Variants in MGAT5 observed in about 807,000 individuals in gnomAD.
MGAT5 encodes the protein alpha-1,6-mannosylglycoprotein 6-beta-N-acetylglucosaminyltransferase, also known as alpha-1,6-mannosylglycoprotein 6-beta-N-acetylglucosaminyltransferase A.
Under a neutral mutation model 94.3 loss-of-function variants are expected in MGAT5, and 30 were observed. The observed-to-expected ratio is 0.32, with a 90% CI of 0.24 to 0.43. MGAT5 has a LOEUF of 0.43. Among genes scored for constraint, MGAT5 ranks in the 20% least tolerant of loss-of-function variants. MGAT5 has a pLI of 1.00. For missense variants in MGAT5, 691 were observed against 905.5 expected (o/e 0.76, Z 3.04); for synonymous variants, 310 against 322.9 (o/e 0.96, Z 0.43).
intron 2 of MGAT5, among the ~76,000 whole-genome samples, chr2:134,301,715 C>G (rs531663506): frequency 2.6e-5 from 4 of 152,118 alleles, no homozygotes; most frequent in Non-Finnish European, 5.9e-5. Context: ...TTGGCATCCA[C>G]AGGGCAGGCA....
chr2:134,409,805 G>C (rs1031347739), intron 11 of MGAT5, among the ~76,000 whole-genome samples: 1 of 152,100 alleles, frequency 6.6e-6, no homozygotes, highest in African/African-American at 2.4e-5. Flanking sequence ...GGTTTTACTG[G>C]ACCCTTTGTG....
rs112295213 is a variant in MGAT5, at chr2:134,441,124, A to AGTCC, written c.1870-633_1870-632insTCCG. ...GAGAGACTATTGACGACACTAAGTG[A>AGTCC]GGACTTACTGTGCTTGTTTTCAACC... is the stretch of plus-strand genomic sequence containing the variant. On this transcript the variant is annotated intron_variant, in intron 14 of 15. Transcript: ENST00000281923. Among the ~76,000 whole-genome samples the AGTCC allele has an allele frequency of 1.6e-3, 237 of 152,352 alleles. 2 individuals carry two copies. Among genetic ancestry groups the AGTCC allele is most frequent in the African/African-American group, 5.3e-3 (222 of 41,586 alleles).
intron 14 of MGAT5, among the ~76,000 whole-genome samples, chr2:134,438,668 C>CCAT (rs1685308899): frequency 6.6e-6 from 1 of 152,104 alleles, no homozygotes; most frequent in Admixed American, 6.5e-5. Context: ...ACGTTGCGAC[C>CCAT]CATGGCTTAA....
chr2:134,271,505 C>T (rs757796318), intron 2 of MGAT5, among the ~76,000 whole-genome samples: 1 of 152,174 alleles, frequency 6.6e-6, no homozygotes, highest in South Asian at 2.1e-4. Context: ...GTTTCATATA[C>T]TTTTAAGCTT....
intron 5 of MGAT5, among the ~76,000 whole-genome samples, chr2:134,337,629 T>C (rs1688406856): frequency 6.6e-6 from 1 of 152,220 alleles, no homozygotes; most frequent in South Asian, 2.1e-4. Context: ...TCCAGCTATA[T>C]TATCCAGAGC....
intron 2 of MGAT5, among the ~76,000 whole-genome samples, chr2:134,301,956 G>A (rs1420415106): frequency 1.3e-5 from 2 of 152,130 alleles, no homozygotes; most frequent in Non-Finnish European, 2.9e-5. Context: ...CCACTTCCTA[G>A]ATACCAAAAA....
chr2:134,152,347 GACC>G (rs1687258024), intron 1 of MGAT5, among the ~76,000 whole-genome samples: 2 of 104,338 alleles, frequency 1.9e-5, no homozygotes, highest in African/African-American at 6.9e-5. Flanking sequence ...ACCGCCATGG[GACC>G]TCACTCACGC....
At chr2:134,282,939 T>C (rs903813122) in intron 2 of MGAT5, among the ~76,000 whole-genome samples, 4 of 151,670 alleles carry the variant, frequency 2.6e-5, no homozygotes, top group Admixed American at 2.0e-4. Context: ...TAAGAACCAC[T>C]GTTGGGCCCT....
chr2:134,162,433 T>C (rs12465197), intron 1 of MGAT5, among the ~76,000 whole-genome samples: 63,944 of 152,082 alleles, frequency 0.42, 17,201 homozygotes, highest in African/African-American at 0.76. Flanking sequence ...AGGGTTTTAA[T>C]GGAATTAAAA....
intron 2 of MGAT5, among the ~76,000 whole-genome samples, chr2:134,273,246 T>A (rs1284313454): frequency 1.3e-5 from 2 of 152,230 alleles, no homozygotes; most frequent in Non-Finnish European, 2.9e-5. Flanking sequence ...TTCTCATTTA[T>A]GAGCAGCCCT....
chr2:134,232,265 A>G (rs1573573803), intron 1 of MGAT5, among the ~76,000 whole-genome samples: 1 of 151,736 alleles, frequency 6.6e-6, no homozygotes, highest in African/African-American at 2.4e-5. Context: ...CACCCTTCAA[A>G]CCCATCCTCT....
intron 1 of MGAT5, chr2:134,231,374 T>A (rs928563139): frequency 1.3e-5 from 2 of 152,240 alleles, no homozygotes; most frequent in African/African-American, 4.8e-5. Context: ...GTTAATTGTA[T>A]GGTATGTGAA....
chr2:134,260,070 G>T (rs1164625918), intron 1 of MGAT5, among the ~76,000 whole-genome samples: 2 of 142,424 alleles, frequency 1.4e-5, no homozygotes. Flanking sequence ...CGTATGCTAG[G>T]TCCTAAGGCC....
chr2:134,149,236 C>T (rs959456766), intron 1 of MGAT5, among the ~76,000 whole-genome samples: 8 of 152,210 alleles, frequency 5.3e-5, no homozygotes, highest in Non-Finnish European at 1.2e-4. Context: ...TCTTTTTGCT[C>T]ATCTGTTAGG....
At chr2:134,159,303 CT>C (rs1234881490) in intron 1 of MGAT5, among the ~76,000 whole-genome samples, 3 of 150,902 alleles carry the variant, frequency 2.0e-5, no homozygotes, top group East Asian at 3.9e-4. Context: ...TTCCCTTCCT[CT>C]TTTTTTTTCT....
intron 12 of MGAT5, 92 bp from the exon 13 acceptor site, chr2:134,422,711 A>G: frequency 3.3e-6 from 3 of 897,218 alleles, no homozygotes; most frequent in Non-Finnish European, 5.4e-6. Flanking sequence ...CTACACGATT[A>G]TAACTCAGTA....
At chr2:134,343,046 A>G (rs558728977) in intron 7 of MGAT5, among the ~76,000 whole-genome samples, 215 of 152,278 alleles carry the variant, frequency 1.4e-3, no homozygotes, top group Middle Eastern at 3.4e-3. Flanking sequence ...GAGTACTCAC[A>G]TAACTATTTA....
intron 8 of MGAT5, among the ~76,000 whole-genome samples, chr2:134,346,853 G>T (rs1688948992): frequency 6.6e-6 from 1 of 152,180 alleles, no homozygotes; most frequent in Non-Finnish European, 1.5e-5. Flanking sequence ...AAAGTAAACT[G>T]CAAGTAGTCC....
intron 14 of MGAT5, among the ~76,000 whole-genome samples, chr2:134,441,375 A>C: frequency 6.6e-6 from 1 of 152,256 alleles, no homozygotes; most frequent in East Asian, 1.9e-4. Context: ...AGCTGGTCTG[A>C]AGATGGGCCT....
Sources: gnomAD v4.1 joint callset for allele counts (sites outside exome capture counted in the v4.1 genomes callset) on GRCh38, gnomAD v4.1.1 for gene constraint, MANE v1.5 for transcripts, NCBI Gene and HGNC (gene_info 2026-07-23, HGNC 2026-07-21) for gene names.